Variants in MYO5B observed in about 807,000 individuals in gnomAD.
MYO5B encodes myosin VB, also known as unconventional myosin-Vb.
Under a neutral mutation model 229.3 loss-of-function variants are expected in MYO5B, and 143 were observed. That is an observed-to-expected ratio of 0.62 (90% CI 0.54 to 0.72). The LOEUF is 0.72. MYO5B is among the 30% of genes least tolerant of loss of function. The pLI is 0.00. For synonymous variants in MYO5B, 918 were observed against 885.2 expected, an observed-to-expected ratio of 1.04 and a Z score of -0.66; for missense variants, 2,321 against 2,331.0, an observed-to-expected ratio of 1.00 and a Z score of 0.09.
At position 49,837,561 on chromosome 18, in the gene MYO5B, G is replaced by T. The variant is rs77840018; in HGVS notation, c.5094C>A (p.Leu1698=). The T allele has an allele frequency of 1.3e-6, 2 of 1,506,418 alleles. No homozygotes were observed. The highest frequency in any genetic ancestry group is 1.8e-6 in the Non-Finnish European group (2 of 1,095,346). The allele number at this position is 1,506,418 out of a possible 1,614,324, so 93.3% of individuals were successfully genotyped here. A position where few individuals can be genotyped will look rare whatever the true frequency, so the allele number is the denominator to read the frequency against. ...TCCAAGAGCAGACGTCCTTCCGCAA[G>T]AGCAGGTTGTTAAGAGTCACTGCGT... ...MINAVTLNNL[L]LRKDVCSWST... is the part of the protein sequence containing the mutation. Residue 1698 remains leucine (L), a synonymous_variant, in exon 37 of 40, where the codon CTC becomes CTA. Coordinates refer to ENST00000285039, the MANE Select transcript of MYO5B (RefSeq NM_001080467.3).
At chr18:50,147,511 C>T (rs2032523903) in intron 1 of MYO5B, among the ~76,000 whole-genome samples, 1 of 152,214 alleles carries the variant, frequency 6.6e-6, no homozygotes. Context: ...TTCATTCAGT[C>T]TTCACTGAGC....
chr18:50,136,703 T>C (rs966762296), intron 1 of MYO5B, among the ~76,000 whole-genome samples: 2 of 152,352 alleles, frequency 1.3e-5, no homozygotes, highest in African/African-American at 4.8e-5. Context: ...ATCTTAACCC[T>C]GCCACTTAGT....
intron 14 of MYO5B, among the ~76,000 whole-genome samples, chr18:49,952,441 C>T (rs2025440260): frequency 6.6e-6 from 1 of 151,652 alleles, no homozygotes; most frequent in Non-Finnish European, 1.5e-5. Context: ...CTTCCCCTGA[C>T]TCTACCACCC....
chr18:49,881,262 T>G (rs1217639), intron 22 of MYO5B, among the ~76,000 whole-genome samples: 91,331 of 151,842 alleles, frequency 0.6, 27,498 homozygotes, highest in Middle Eastern at 0.66. Context: ...AAGGCCAAAA[T>G]CTCACAATGA....
rs569556619 is a variant in MYO5B at position 50,193,992 on chromosome 18, G to A, written c.27+775C>T. 3.9e-5 allele frequency among the ~76,000 whole-genome samples: 6 copies of A among 152,282 alleles called. No individual in the cohort carries two copies. The South Asian group carries it at 1.2e-3, about 32-fold the overall frequency. ...AGCCTCACACATCCCTTCTGACCTT[G>A]AAGGCATCCTGAAACTCACACCCTG... is the stretch of plus-strand genomic sequence containing the variant. On this transcript the variant is annotated intron_variant, in intron 1 of 39. Coordinates refer to ENST00000285039, the MANE Select transcript of MYO5B (RefSeq NM_001080467.3).
intron 4 of MYO5B, among the ~76,000 whole-genome samples, chr18:50,024,407 G>A (rs1380304209): frequency 6.6e-6 from 1 of 152,162 alleles, no homozygotes; most frequent in Non-Finnish European, 1.5e-5. Flanking sequence ...GCTACCAGGT[G>A]CAAGACATTT....
intron 21 of MYO5B, 22 bp downstream of exon 21, chr18:49,902,572 G>A (rs780436542): frequency 1.9e-6 from 3 of 1,608,730 alleles, no homozygotes; most frequent in African/African-American, 2.7e-5. Flanking sequence ...CGACACCCAG[G>A]TAGGGAGCTG....
At chr18:49,971,706 A>C (rs1311383590) in intron 10 of MYO5B, among the ~76,000 whole-genome samples, 1 of 152,218 alleles carries the variant, frequency 6.6e-6, no homozygotes, top group Non-Finnish European at 1.5e-5. Flanking sequence ...GCATGTATGT[A>C]AGTGCTTTCT....
chr18:49,853,382 C>G (rs926170545), intron 31 of MYO5B, 67 bp downstream of exon 31: 1 of 1,569,570 alleles, frequency 6.4e-7, no homozygotes, highest in South Asian at 1.1e-5. Context: ...CCAAAGGCAA[C>G]CCCGATCCCA....
intron 1 of MYO5B, among the ~76,000 whole-genome samples, chr18:50,112,677 C>T (rs573082384): frequency 1.3e-5 from 2 of 152,204 alleles, no homozygotes; most frequent in Non-Finnish European, 2.9e-5. Flanking sequence ...TTAAGTCACT[C>T]CCTACTGGAC....
chr18:49,928,557 T>A (rs542484346), intron 17 of MYO5B, among the ~76,000 whole-genome samples: 2 of 152,192 alleles, frequency 1.3e-5, no homozygotes, highest in East Asian at 3.9e-4. Flanking sequence ...GGCAGAAGAA[T>A]CTCTTGAACA....
intron 21 of MYO5B, among the ~76,000 whole-genome samples, chr18:49,899,989 T>C (rs929466758): frequency 5.3e-5 from 8 of 152,198 alleles, no homozygotes; most frequent in African/African-American, 1.9e-4. Context: ...ACGTGGATTG[T>C]AAAATGCTAG....
intron 21 of MYO5B, among the ~76,000 whole-genome samples, chr18:49,899,901 G>A (rs2024821235): frequency 6.7e-6 from 1 of 150,014 alleles, no homozygotes; most frequent in African/African-American, 2.5e-5. Flanking sequence ...TGCCAAGCAG[G>A]AAGCTTAAGG....
intron 1 of MYO5B, among the ~76,000 whole-genome samples, chr18:50,056,684 C>T (rs777582491): frequency 2.0e-5 from 3 of 151,802 alleles, no homozygotes; most frequent in Admixed American, 6.6e-5. Context: ...TGTGCACATG[C>T]GGCCAGCTGG....
chr18:49,881,892 G>T (rs181934767), intron 22 of MYO5B, among the ~76,000 whole-genome samples: 1 of 152,142 alleles, frequency 6.6e-6, no homozygotes, highest in Non-Finnish European at 1.5e-5. Flanking sequence ...TTTTTAAAAA[G>T]TAACAATTCA....
rs1202247733 is a variant in MYO5B, at chr18:49,884,350, T to C, written c.3046-3895A>G. The stretch of plus-strand genomic sequence containing the variant: ...CATGATTCAAGCACTTTATATTTAT[T>C]ATATACTTTATTTCTATTATTATTA... On this transcript the variant is annotated intron_variant, in intron 22 of 39. Transcript: ENST00000285039. 2.6e-5 allele frequency among the ~76,000 whole-genome samples: 4 copies of C among 152,086 alleles called. No homozygotes were observed. In the South Asian group the frequency reaches 8.3e-4, roughly 32 times the overall value.
At chr18:50,093,058 C>G (rs2031480375) in intron 1 of MYO5B, among the ~76,000 whole-genome samples, 1 of 151,992 alleles carries the variant, frequency 6.6e-6, no homozygotes, top group Admixed American at 6.6e-5. Flanking sequence ...AAACTATGAA[C>G]AATTTGTAAA....
At chr18:50,138,257 G>A (rs1013075601) in intron 1 of MYO5B, among the ~76,000 whole-genome samples, 3 of 152,186 alleles carry the variant, frequency 2.0e-5, no homozygotes, top group Admixed American at 6.5e-5. Context: ...GTGCTTGAAA[G>A]TGTTAAATGG....
chr18:50,127,315 A>T (rs1229008452), intron 1 of MYO5B, among the ~76,000 whole-genome samples: 1 of 152,232 alleles, frequency 6.6e-6, no homozygotes, highest in African/African-American at 2.4e-5. Flanking sequence ...CAGGTTCTCC[A>T]AGCCCATCAT....
Sources: gnomAD v4.1 joint callset for allele counts (sites outside exome capture counted in the v4.1 genomes callset) on GRCh38, gnomAD v4.1.1 for gene constraint, MANE v1.5 for transcripts, NCBI Gene and HGNC (gene_info 2026-07-23, HGNC 2026-07-21) for gene names.